Variants in KLHL7 observed in about 807,000 individuals in gnomAD.
KLHL7 encodes the protein kelch-like protein 7.
A neutral mutation model predicts 67.4 loss-of-function variants in KLHL7; 44 were observed. The ratio of observed to expected loss-of-function variants is 0.65; its 90% CI spans 0.51 to 0.84. The LOEUF (loss-of-function observed/expected upper bound fraction) is 0.84. KLHL7 is among the 40% of genes least tolerant of loss of function. KLHL7 has a pLI of 0.00. For missense variants in KLHL7, 362 were observed against 718.1 expected (o/e 0.50, Z 5.67); for synonymous variants, 252 against 243.3 (o/e 1.04, Z -0.33).
chr7:23,172,239 G>A (rs760184642), intron 9 of KLHL7: 3 of 454,756 alleles, frequency 6.6e-6, no homozygotes, highest in Non-Finnish European at 1.3e-5. Flanking sequence ...AACTAAACTC[G>A]ATTGTCTGTG....
chr7:23,124,306 T>A (rs1783479840), intron 2 of KLHL7, among the ~76,000 whole-genome samples: 1 of 148,116 alleles, frequency 6.8e-6, no homozygotes, highest in East Asian at 2.0e-4. Context: ...AGTTAAACTT[T>A]AAAAAAAAAA....
chr7:23,146,666 C>CTTCTTCT (rs71715676), intron 6 of KLHL7, among the ~76,000 whole-genome samples: 2 of 145,790 alleles, frequency 1.4e-5, no homozygotes, highest in African/African-American at 5.1e-5. Flanking sequence ...TCTTCTTCTT[C>CTTCTTCT]TTTTTTTTTT....
chr7:23,175,731 T>TG lies in KLHL7; in HGVS notation c.*1436dup. The TG allele has an allele frequency of 5.2e-6, 1 of 192,278 alleles. No individual in the cohort carries two copies. The highest frequency in any genetic ancestry group is 9.1e-5 in the South Asian group (1 of 10,952). The allele number at this position is 192,278 out of a possible 1,614,324, so 11.9% of individuals were successfully genotyped here. ...ATCCCAGCACTTTGGGAGGCCAAGG[T>TG]GGGTAGATCATTTGAGGTCAGCAGT... On this transcript the variant is annotated 3_prime_UTR_variant, in exon 11 of 11. Coordinates refer to ENST00000339077, the MANE Select transcript of KLHL7 (RefSeq NM_001031710.3).
intron 6 of KLHL7, 29 bp downstream of exon 6, chr7:23,144,054 C>T (rs1404683825): frequency 6.3e-7 from 1 of 1,583,766 alleles, no homozygotes; most frequent in African/African-American, 1.3e-5. Flanking sequence ...CATTTATAAC[C>T]TGATCATGTA....
intron 9 of KLHL7, among the ~76,000 whole-genome samples, chr7:23,168,420 C>T (rs541410290): frequency 3.4e-4 from 52 of 152,292 alleles, no homozygotes; most frequent in African/African-American, 1.3e-3. Context: ...GATATTGGCT[C>T]ATGGCATTAA....
At chr7:23,141,061 TA>T in intron 5 of KLHL7, 117 bp downstream of exon 5, 1 of 916,230 alleles carries the variant, frequency 1.1e-6, no homozygotes, top group Non-Finnish European at 1.7e-6. Flanking sequence ...ATATGTTCTT[TA>T]CACTAAACAG....
intron 4 of KLHL7, among the ~76,000 whole-genome samples, chr7:23,137,668 A>G (rs186888793): frequency 1.8e-4 from 27 of 151,380 alleles, no homozygotes; most frequent in Admixed American, 3.9e-4. Context: ...TGGTAAAGAC[A>G]GGGTTTCACC....
chr7:23,163,207 G>A (rs1456723535), intron 7 of KLHL7, among the ~76,000 whole-genome samples: 1 of 151,776 alleles, frequency 6.6e-6, no homozygotes, highest in Non-Finnish European at 1.5e-5. Flanking sequence ...TTTCGCTCTT[G>A]TTGCTCAGGC....
At chr7:23,128,148 A>G (rs76937676) in intron 4 of KLHL7, among the ~76,000 whole-genome samples, 1 of 151,422 alleles carries the variant, frequency 6.6e-6, no homozygotes, top group African/African-American at 2.4e-5. Flanking sequence ...AAAAAAAAAA[A>G]GCAAACTTAA....
intron 4 of KLHL7, among the ~76,000 whole-genome samples, chr7:23,133,317 T>G (rs1351875723): frequency 1.3e-5 from 2 of 152,196 alleles, no homozygotes; most frequent in East Asian, 1.9e-4. Context: ...TCAATTTCTT[T>G]TATCAGTGTT....
chr7:23,164,837 T>C (rs891700552), intron 7 of KLHL7, among the ~76,000 whole-genome samples: 11 of 152,340 alleles, frequency 7.2e-5, no homozygotes, highest in Middle Eastern at 3.4e-3. Context: ...CATAGTGCTT[T>C]CCTTGGTGAG....
At chr7:23,121,314 C>G (rs1375412949) in intron 1 of KLHL7, among the ~76,000 whole-genome samples, 3 of 152,034 alleles carry the variant, frequency 2.0e-5, no homozygotes, top group Non-Finnish European at 4.4e-5. Flanking sequence ...GCAGATGTCT[C>G]TTTGTTATAA....
chr7:23,118,593 A>G (rs542442707), intron 1 of KLHL7, among the ~76,000 whole-genome samples: 1 of 152,280 alleles, frequency 6.6e-6, no homozygotes, highest in African/African-American at 2.4e-5. Context: ...ACTCTTCCAC[A>G]TGTGATGGAT....
intron 9 of KLHL7, 61 bp from the exon 10 acceptor site, chr7:23,172,887 C>T: frequency 1.7e-6 from 2 of 1,160,740 alleles, no homozygotes; most frequent in Non-Finnish European, 2.6e-6. Context: ...AGACCTTTCT[C>T]ATTAGTATGA....
At chr7:23,139,867 T>G (rs1044994795) in intron 4 of KLHL7, among the ~76,000 whole-genome samples, 6 of 152,064 alleles carry the variant, frequency 3.9e-5, no homozygotes, top group African/African-American at 1.4e-4. Context: ...TCCCTCCTCC[T>G]TTCCTTTCCG....
chr7:23,173,603 T>C (rs1258000935), intron 10 of KLHL7, among the ~76,000 whole-genome samples: 1 of 152,218 alleles, frequency 6.6e-6, no homozygotes, highest in African/African-American at 2.4e-5. Context: ...ACTTTAAGCA[T>C]CACTTAAGTG....
intron 6 of KLHL7, among the ~76,000 whole-genome samples, chr7:23,144,954 C>T (rs1043614204): frequency 6.0e-5 from 9 of 149,848 alleles, no homozygotes; most frequent in Non-Finnish European, 1.0e-4. Flanking sequence ...AAAACCTAGC[C>T]GGGCGTGGAG....
chr7:23,144,852 T>C (rs1335856540), intron 6 of KLHL7, among the ~76,000 whole-genome samples: 1 of 152,000 alleles, frequency 6.6e-6, no homozygotes, highest in Non-Finnish European at 1.5e-5. Flanking sequence ...AATCACAGCA[T>C]TTTGGTAGGT....
At chr7:23,109,245 A>G (rs1364302837) in intron 1 of KLHL7, among the ~76,000 whole-genome samples, 4 of 152,238 alleles carry the variant, frequency 2.6e-5, no homozygotes, top group Non-Finnish European at 4.4e-5. Flanking sequence ...CTGGGTGTAT[A>G]GGAGCATCTT....
Sources: allele counts gnomAD v4.1 joint callset (sites outside exome capture counted in the v4.1 genomes callset), GRCh38; gene constraint gnomAD v4.1.1; transcripts MANE v1.5; gene names NCBI Gene and HGNC (gene_info 2026-07-23, HGNC 2026-07-21).